The following VXN variants were observed in gnomAD, a reference collection of about 807,000 sequenced individuals.
VXN encodes vexin.
Under a neutral mutation model 23.1 loss-of-function variants are expected in VXN, and 7 were observed. The ratio of observed to expected loss-of-function variants is 0.30; its 90% CI spans 0.17 to 0.57. The LOEUF is 0.57. Among genes scored for constraint, VXN ranks in the 20% least tolerant of loss-of-function variants. VXN has a pLI of 0.91. For missense variants in VXN, 238 were observed against 272.6 expected, an observed-to-expected ratio of 0.87 and a Z score of 0.89; for synonymous variants, 120 against 105.8, an observed-to-expected ratio of 1.13 and a Z score of -0.83.
intron 2 of VXN, among the ~76,000 whole-genome samples, chr8:66,502,470 G>A (rs188299004): frequency 2.6e-5 from 4 of 152,272 alleles, no homozygotes; most frequent in Admixed American, 6.5e-5. Context: ...ACAGAGCGCC[G>A]TGCACAGTGG....
At chr8:66,498,700 AAGGG>A (rs1450695295) in intron 2 of VXN, 1 of 364,520 alleles carries the variant, frequency 2.7e-6, no homozygotes, top group Non-Finnish European at 5.5e-6. Context: ...ACCCTGGACA[AAGGG>A]ATGATTCATG....
At chr8:66,497,007 C>G (rs1451338758) in intron 2 of VXN, among the ~76,000 whole-genome samples, 2 of 152,178 alleles carry the variant, frequency 1.3e-5, no homozygotes, top group East Asian at 3.9e-4. Flanking sequence ...GCCTCAGCCT[C>G]CCAAGTAGCT....
rs372336056 is a variant in VXN at position 66,517,654 on chromosome 8, A to G, written c.*1578A>G. ...GAGGGATTAGTGACACATGCCTTGTATATTTGTCATCTGTGGCCTAAACTC... is the reference window on the plus strand; with the variant it reads ...GAGGGATTAGTGACACATGCCTTGTGTATTTGTCATCTGTGGCCTAAACTC... On this transcript the variant is annotated 3_prime_UTR_variant, in exon 6 of 6. Coordinates refer to ENST00000305454, the MANE Select transcript of VXN (RefSeq NM_152765.4). 1 of 152,232 alleles carries G rather than the reference A, an allele frequency of 6.6e-6. No individual in the cohort carries two copies. The allele number at this position is 152,232 out of a possible 1,614,324, so 9.4% of individuals were successfully genotyped here.
Position 66,493,611 on chromosome 8 carries a change from C to G in VXN, c.-38C>G. The G allele has an allele frequency of 6.3e-7, 1 of 1,582,494 alleles. No homozygotes were observed. The highest frequency in any genetic ancestry group is 8.7e-7 in the Non-Finnish European group (1 of 1,152,240). On this transcript the variant is annotated 5_prime_UTR_variant, in exon 1 of 6. Transcript: ENST00000305454. ...GCGACTAGGGGTCCAGAGACAGAGGCCTCCAGTTCCCAGGCACTTCGGGAA... is the reference window on the plus strand; with the variant it reads ...GCGACTAGGGGTCCAGAGACAGAGGGCTCCAGTTCCCAGGCACTTCGGGAA...
Position 66,510,152 on chromosome 8 carries a change from T to A in VXN, c.337T>A (p.Ser113Thr), listed in dbSNP as rs1362757173. Reference sequence around the variant, plus strand: ...GTGTGGGAATCGAGCATATGGAAAATCTCTGGTAAGTAAAATAAGCCTGCT... The same window carrying A: ...GTGTGGGAATCGAGCATATGGAAAAACTCTGGTAAGTAAAATAAGCCTGCT... ...NLCGNRAYGK[S>T]LIPPVPRISV... Residue 113 changes from serine to threonine, a missense_variant, in exon 4 of 6, where the codon TCT (serine) becomes ACT (threonine). Around this residue, in one of 2 missense-constraint regions of VXN, gnomAD observed 223 missense variants for 236.9 expected, o/e 0.94. Transcript: ENST00000305454. The A allele has an allele frequency of 1.2e-6, 2 of 1,611,588 alleles. No individual in the cohort carries two copies. The highest frequency in any genetic ancestry group is 1.1e-5 in the South Asian group (1 of 90,594).
rs1486069214 is a variant in VXN at position 66,516,716 on chromosome 8, T to C, written c.*640T>C. 6.6e-6 allele frequency: 1 copy of C among 152,242 alleles called. No homozygotes were observed. Among genetic ancestry groups the C allele is most frequent in the African/African-American group, 2.4e-5 (1 of 41,456 alleles). The allele number at this position is 152,242 out of a possible 1,614,324, so 9.4% of individuals were successfully genotyped here. On this transcript the variant is annotated 3_prime_UTR_variant, in exon 6 of 6. Coordinates refer to ENST00000305454, the MANE Select transcript of VXN (RefSeq NM_152765.4). ...ACTGCTAATGTTTTCTGAAGTGGCATAGTCTAGTGGAATCAATAATCCCTT... is the reference window on the plus strand; with the variant it reads ...ACTGCTAATGTTTTCTGAAGTGGCACAGTCTAGTGGAATCAATAATCCCTT...
chr8:66,509,421 A>G (rs916495760), intron 3 of VXN, among the ~76,000 whole-genome samples: 1 of 152,200 alleles, frequency 6.6e-6, no homozygotes, highest in Non-Finnish European at 1.5e-5. Context: ...TTCTCCACCC[A>G]TACATCTCGT....
At chr8:66,506,101 T>C (rs1807753365) in intron 3 of VXN, among the ~76,000 whole-genome samples, 1 of 152,074 alleles carries the variant, frequency 6.6e-6, no homozygotes, top group Non-Finnish European at 1.5e-5. Flanking sequence ...GCTGTCTTCC[T>C]CCACAGGAGG....
chr8:66,500,261 GA>G (rs1807675934), intron 2 of VXN, among the ~76,000 whole-genome samples: 1 of 152,160 alleles, frequency 6.6e-6, no homozygotes, highest in African/African-American at 2.4e-5. Flanking sequence ...GGCCAAAGGA[GA>G]TACACATTGA....
intron 5 of VXN, chr8:66,513,902 G>A (rs17322654): frequency 0.031 from 12,579 of 411,130 alleles, 268 homozygotes; most frequent in Non-Finnish European, 0.041. Flanking sequence ...AAGTCATTTG[G>A]GAGGTTTTTT....
chr8:66,500,456 A>T (rs11782087), intron 2 of VXN, among the ~76,000 whole-genome samples: 2 of 152,214 alleles, frequency 1.3e-5, no homozygotes, highest in South Asian at 4.1e-4. Flanking sequence ...TCATAGATGT[A>T]TTGATCATTT....
chr8:66,510,129 G>A lies in VXN; in HGVS notation c.314G>A (p.Cys105Tyr), dbSNP rs144891764. The A allele has an allele frequency of 6.2e-7, 1 of 1,613,600 alleles. No homozygotes were observed. The highest frequency in any genetic ancestry group is 8.5e-7 in the Non-Finnish European group (1 of 1,179,812). ...TCTGAACCCAAAACATCAAATCTGT[G>A]TGGGAATCGAGCATATGGAAAATCT... is the stretch of plus-strand genomic sequence containing the variant. ...GISEPKTSNLCGNRAYGKSLI... is the reference protein window; with the variant it reads ...GISEPKTSNLYGNRAYGKSLI... The change falls in exon 4 of 6, where the codon TGT (cysteine) becomes TAT (tyrosine). Residue 105 changes from cysteine to tyrosine, a missense_variant. Cys to Tyr is a radical substitution (Grantham distance 194, BLOSUM62 -2). This residue lies in a region of VXN where 223 missense variants were observed against 236.9 expected (regional missense o/e 0.94). Transcript: ENST00000305454.
intron 3 of VXN, among the ~76,000 whole-genome samples, chr8:66,509,553 C>T (rs576840360): frequency 6.6e-6 from 1 of 152,098 alleles, no homozygotes; most frequent in Non-Finnish European, 1.5e-5. Flanking sequence ...TCCACAGCAC[C>T]GTGTTAAATA....
At position 66,513,565 on chromosome 8, in the gene VXN, T is replaced by A; in HGVS notation, c.368T>A (p.Val123Glu). The change falls in exon 5 of 6, where the codon GTG (valine) becomes GAG (glutamate). Residue 123 changes from valine to glutamate, a missense_variant. This residue lies in a region of VXN where 223 missense variants were observed against 236.9 expected (regional missense o/e 0.94). Coordinates refer to ENST00000305454, the MANE Select transcript of VXN (RefSeq NM_152765.4). The stretch of plus-strand genomic sequence containing the variant: ...ATACCGCCAGTGCCCCGGATCTCAG[T>A]GAAAACTTCAGCCTCTGCCTCATTG... ...SLIPPVPRIS[V>E]KTSASASLEA... 1.2e-6 allele frequency: 2 copies of A among 1,614,140 alleles called. No individual in the cohort carries two copies. The highest frequency in any genetic ancestry group is 2.2e-5 in the South Asian group (2 of 91,088).
chr8:66,509,224 C>T (rs1656989731), intron 3 of VXN, among the ~76,000 whole-genome samples: 1 of 152,178 alleles, frequency 6.6e-6, no homozygotes, highest in African/African-American at 2.4e-5. Flanking sequence ...TGCTGTAGTA[C>T]AATCAGATGG....
intron 1 of VXN, among the ~76,000 whole-genome samples, chr8:66,495,964 A>C (rs991209615): frequency 6.6e-5 from 10 of 152,134 alleles, no homozygotes; most frequent in Non-Finnish European, 1.2e-4. Flanking sequence ...TTTGTCCTAC[A>C]AATTTGGTTT....
At position 66,510,112 on chromosome 8, in the gene VXN, C is replaced by A. The variant is rs1418178837; in HGVS notation, c.297C>A (p.Pro99=). ...ASARPVGISE[P]KTSNLCGNRA... is the part of the protein sequence containing the mutation. ...ACATTGCAGTGGGGATTTCTGAACC[C>A]AAAACATCAAATCTGTGTGGGAATC... The change falls in exon 4 of 6, where the codon CCC becomes CCA. Residue 99 remains proline, a synonymous_variant. Coordinates refer to ENST00000305454, the MANE Select transcript of VXN (RefSeq NM_152765.4). 6.2e-7 allele frequency: 1 copy of A among 1,613,840 alleles called. No individual in the cohort carries two copies. Among genetic ancestry groups the A allele is most frequent in the Admixed American group, 1.7e-5 (1 of 59,952 alleles).
At chr8:66,510,576 A>C (rs1807810596) in intron 4 of VXN, among the ~76,000 whole-genome samples, 1 of 152,338 alleles carries the variant, frequency 6.6e-6, no homozygotes, top group Admixed American at 6.5e-5. Flanking sequence ...CCAGTGTCTT[A>C]GTTAGCACAG....
In VXN at chr8:66,505,356, C is replaced by G. The variant is rs370550586; in HGVS notation, c.127-19C>G. 8.6e-5 allele frequency: 135 copies of G among 1,571,938 alleles called. 1 individual carries two copies. Among genetic ancestry groups the G allele is most frequent in the Non-Finnish European group, 1.2e-4 (134 of 1,158,870 alleles). On this transcript the variant is annotated intron_variant, in intron 2 of 5. Transcript: ENST00000305454. ...CCCGAGCAGAGGAGTGGGCTAACCG[C>G]GTTTCCCCCGCCCGGCAGGTGGTGA...
Sources: gnomAD v4.1 joint callset for allele counts (sites outside exome capture counted in the v4.1 genomes callset) on GRCh38, gnomAD v4.1.1 for gene constraint, gnomAD v4.1.1 regional missense constraint, MANE v1.5 for transcripts, NCBI Gene and HGNC (gene_info 2026-07-23, HGNC 2026-07-21) for gene names.